Variants in TMEM114 observed in about 807,000 individuals in gnomAD.
TMEM114 encodes the protein transmembrane protein 114.
A neutral mutation model predicts 6.2 loss-of-function variants in TMEM114; 6 were observed. That is an observed-to-expected ratio of 0.97 (90% CI 0.53 to 1.91). The LOEUF (loss-of-function observed/expected upper bound fraction) is 1.91, where lower values mean the gene tolerates loss of function less well. TMEM114 is among the 40% of genes most tolerant of loss of function. The probability of loss-of-function intolerance (pLI) is 0.01; values close to 1 mark genes in which losing one functional copy is unlikely to be tolerated. For missense variants in TMEM114, 218 were observed against 158.3 expected, an observed-to-expected ratio of 1.38 and a Z score of -2.02; for synonymous variants, 104 against 73.0, an observed-to-expected ratio of 1.42 and a Z score of -2.16.
chr16:8,540,606 G>A (rs1221047973), intron 2 of TMEM114, among the ~76,000 whole-genome samples: 2 of 140,046 alleles, frequency 1.4e-5, no homozygotes, highest in African/African-American at 5.5e-5. Flanking sequence ...ATAAGAACAG[G>A]TGAAGTAGAA....
At chr16:8,536,552 A>G (rs564706576), downstream of TMEM114, among the ~76,000 whole-genome samples, 1 of 152,348 alleles carries the variant, frequency 6.6e-6, no homozygotes, top group South Asian at 2.1e-4. Flanking sequence ...TGAAGTCTTC[A>G]ATAAATTGCT....
At chr16:8,565,231 A>G (rs2141677143), downstream of TMEM114, among the ~76,000 whole-genome samples, 2 of 152,328 alleles carry the variant, frequency 1.3e-5, no homozygotes. Flanking sequence ...GAGTGAATGA[A>G]TGAAGCATGG....
chr16:8,556,083 T>C (rs1460290779), intron 2 of TMEM114, among the ~76,000 whole-genome samples: 1 of 152,222 alleles, frequency 6.6e-6, no homozygotes, highest in East Asian at 1.9e-4. Context: ...TCCATACTCA[T>C]ATTTCATCTG....
chr16:8,540,674 C>T (rs1408765408), intron 2 of TMEM114, among the ~76,000 whole-genome samples: 1 of 152,218 alleles, frequency 6.6e-6, no homozygotes, highest in Non-Finnish European at 1.5e-5. Flanking sequence ...CAGCATTCCA[C>T]TAGGTACTGG....
chr16:8,545,110 G>A (rs1900623129), intron 2 of TMEM114, among the ~76,000 whole-genome samples: 1 of 151,964 alleles, frequency 6.6e-6, no homozygotes, highest in African/African-American at 2.4e-5. Context: ...TTTCTTTCTA[G>A]TTGTTCTCTT....
In TMEM114 at chr16:8,562,891, A is replaced by C. The variant is rs1357983443; in HGVS notation, n.213-25065T>G. ...GAGTAAATGAGTGAGGGAGGGAGGG[A>C]ATGAGTGAATGAGTGAGTGAATGAG... On this transcript the variant is annotated intron_variant and non_coding_transcript_variant, in intron 2 of 2. Transcript: ENST00000623677. 2.7e-5 allele frequency among the ~76,000 whole-genome samples: 4 copies of C among 148,722 alleles called. No individual in the cohort carries two copies. The East Asian group carries it at 7.8e-4, about 29-fold the overall frequency.
At chr16:8,551,770 C>T (rs1290315114) in intron 2 of TMEM114, among the ~76,000 whole-genome samples, 2 of 152,200 alleles carry the variant, frequency 1.3e-5, no homozygotes, top group Non-Finnish European at 2.9e-5. Context: ...TTTCATTAAA[C>T]TTCTCCATTC....
At chr16:8,578,519 T>C (rs941054892) in intron 2 of TMEM114, among the ~76,000 whole-genome samples, 4 of 152,186 alleles carry the variant, frequency 2.6e-5, no homozygotes, top group Non-Finnish European at 4.4e-5. Context: ...GAATTACACC[T>C]GCAAAGATGC....
the TMEM114 span, chr16:8,526,815 G>C: frequency 1.3e-5 from 2 of 152,238 alleles, no homozygotes; most frequent in East Asian, 3.9e-4. Flanking sequence ...CCATCCCCTG[G>C]TCTACAAGAA....
the TMEM114 span, among the ~76,000 whole-genome samples, chr16:8,528,684 G>A: frequency 6.6e-6 from 1 of 152,152 alleles, no homozygotes; most frequent in Admixed American, 6.5e-5. Context: ...CTTTCAACAT[G>A]ATTTACAAAA....
intron 2 of TMEM114, among the ~76,000 whole-genome samples, chr16:8,575,948 T>G (rs1901910073): frequency 6.6e-6 from 1 of 152,152 alleles, no homozygotes. Context: ...AATGAACTCC[T>G]GTGATGGAGA....
At chr16:8,567,784 C>T (rs1901594538), downstream of TMEM114, among the ~76,000 whole-genome samples, 1 of 152,198 alleles carries the variant, frequency 6.6e-6, no homozygotes, top group African/African-American at 2.4e-5. Context: ...GGATCAAATC[C>T]TGCCTCTGGA....
At chr16:8,541,173 C>G (rs1050690454) in intron 2 of TMEM114, among the ~76,000 whole-genome samples, 2 of 152,168 alleles carry the variant, frequency 1.3e-5, no homozygotes, top group Non-Finnish European at 1.5e-5. Context: ...AAACTCATGA[C>G]AATACCATGA....
chr16:8,587,974 A>G (rs1314329169), intron 2 of TMEM114, among the ~76,000 whole-genome samples: 1 of 151,752 alleles, frequency 6.6e-6, no homozygotes, highest in Non-Finnish European at 1.5e-5. Context: ...CATAGTAACT[A>G]TGTTTCCTAT....
chr16:8,571,982 C>T, intron 3 of TMEM114, 105 bp downstream of exon 3: 1 of 1,350,766 alleles, frequency 7.4e-7, no homozygotes, highest in African/African-American at 1.5e-5. Flanking sequence ...AAACTGAACC[C>T]CACGAGGCCC....
intron 2 of TMEM114, among the ~76,000 whole-genome samples, chr16:8,543,187 C>A (rs906959860): frequency 2.6e-5 from 4 of 152,176 alleles, no homozygotes; most frequent in African/African-American, 9.7e-5. Flanking sequence ...GACTACAGAG[C>A]AAAGCTGGGC....
intron 2 of TMEM114, among the ~76,000 whole-genome samples, chr16:8,584,887 A>G (rs904315359): frequency 6.8e-6 from 1 of 146,488 alleles, no homozygotes; most frequent in Non-Finnish European, 1.5e-5. Flanking sequence ...GCGCCATTGC[A>G]CTCCAGCCTG....
the TMEM114 span, among the ~76,000 whole-genome samples, chr16:8,532,295 C>G: frequency 6.6e-6 from 1 of 152,146 alleles, no homozygotes; most frequent in African/African-American, 2.4e-5. Context: ...TTCACTCTGC[C>G]TCTAGCCCTC....
downstream of TMEM114, among the ~76,000 whole-genome samples, chr16:8,534,586 G>C (rs1379525942): frequency 6.6e-6 from 1 of 152,134 alleles, no homozygotes; most frequent in Non-Finnish European, 1.5e-5. Context: ...TAATGGGGTG[G>C]TACATCAGAT....
Sources: allele counts gnomAD v4.1 joint callset (sites outside exome capture counted in the v4.1 genomes callset), GRCh38; gene constraint gnomAD v4.1.1; transcripts MANE v1.5; gene names NCBI Gene and HGNC (gene_info 2026-07-23, HGNC 2026-07-21).